TRMT44: variants seen among roughly 807,000 people sequenced by gnomAD.
The protein encoded by TRMT44 is tRNA methyltransferase 44 homolog.
Under a neutral mutation model 77.3 loss-of-function variants are expected in TRMT44, and 78 were observed. The ratio of observed to expected loss-of-function variants is 1.01; its 90% CI spans 0.84 to 1.22. The LOEUF is 1.22. Ranked by LOEUF, TRMT44 falls within the 50% of genes most tolerant of loss-of-function variation. TRMT44 has a pLI of 0.00. For missense variants in TRMT44, 1,090 were observed against 964.4 expected, an observed-to-expected ratio of 1.13 and a Z score of -1.73; for synonymous variants, 391 against 383.3, an observed-to-expected ratio of 1.02 and a Z score of -0.23.
intron 2 of TRMT44, among the ~76,000 whole-genome samples, chr4:8,491,220 A>C (rs1010301688): frequency 6.6e-6 from 1 of 152,128 alleles, no homozygotes. Context: ...CTAGATACAG[A>C]GTGTCGATTG....
In TRMT44 at chr4:8,457,895, G is replaced by A. The variant is rs561085084; in HGVS notation, c.1203+3082G>A. 7.9e-5 allele frequency among the ~76,000 whole-genome samples: 12 copies of A among 152,302 alleles called. No homozygotes were observed. In the East Asian group the frequency reaches 2.1e-3, roughly 27 times the overall value. ...AATCATGAAAGAGACTGTGGATATA[G>A]CAAACAAAGGCAGGAGATGAAGGGT... is the stretch of plus-strand genomic sequence containing the variant. On this transcript the variant is annotated intron_variant, in intron 6 of 10. Transcript: ENST00000389737.
chr4:8,462,883 ATGAG>A (rs747624185), intron 6 of TRMT44, among the ~76,000 whole-genome samples: 3 of 152,240 alleles, frequency 2.0e-5, no homozygotes, highest in Middle Eastern at 3.2e-3. Flanking sequence ...TAAATCTAGA[ATGAG>A]TGGGAATCAA....
chr4:8,476,055 TC>T lies in TRMT44; in HGVS notation c.*58del, dbSNP rs937273446. On this transcript the variant is annotated 3_prime_UTR_variant, in exon 11 of 11. Coordinates refer to ENST00000389737, the MANE Select transcript of TRMT44 (RefSeq NM_152544.3). Reference sequence around the variant, plus strand: ...TGGGGAGGCCAAACCAAGGAGAGCTTCCCCAGCAGTCGTCAGTGCTGTGGTC... The same window carrying T: ...TGGGGAGGCCAAACCAAGGAGAGCTTCCCAGCAGTCGTCAGTGCTGTGGTC... The T allele has an allele frequency of 5.8e-6, 9 of 1,548,230 alleles. No homozygotes were observed. The African/African-American group carries it at 9.5e-5, about 16-fold the overall frequency.
rs754845065 is a variant in TRMT44 at position 8,446,075 on chromosome 4, TG to T, written c.620-399del. 1.3e-5 allele frequency among the ~76,000 whole-genome samples: 2 copies of T among 152,350 alleles called. No individual in the cohort carries two copies. Among genetic ancestry groups the T allele is most frequent in the Admixed American group, 6.5e-5 (1 of 15,302 alleles). On this transcript the variant is annotated intron_variant, in intron 1 of 10. Coordinates refer to ENST00000389737, the MANE Select transcript of TRMT44 (RefSeq NM_152544.3). This position sits in a 1 kb window ranked among gnomAD's most constrained non-coding sequence, Gnocchi z 4.3. ...TGGACTGATATCCGCTTTCCTGAACTGGCCTCTGATGGCTGAGCAGTGTTCT... is the reference window on the plus strand; with the variant it reads ...TGGACTGATATCCGCTTTCCTGAACTGCCTCTGATGGCTGAGCAGTGTTCT...
chr4:8,497,902 C>G (rs1728195758), downstream of TRMT44, among the ~76,000 whole-genome samples: 1 of 152,202 alleles, frequency 6.6e-6, no homozygotes, highest in Non-Finnish European at 1.5e-5. Flanking sequence ...TGTATGGGAG[C>G]TGTGCCACTG....
downstream of TRMT44, among the ~76,000 whole-genome samples, chr4:8,495,519 T>C (rs546327406): frequency 6.6e-6 from 1 of 152,244 alleles, no homozygotes; most frequent in Admixed American, 6.5e-5. Flanking sequence ...ATGAATCCAT[T>C]TCAGTAAAAA....
downstream of TRMT44, among the ~76,000 whole-genome samples, chr4:8,496,094 T>G (rs957469201): frequency 6.6e-6 from 1 of 152,172 alleles, no homozygotes; most frequent in African/African-American, 2.4e-5. Context: ...ATGAGAAACC[T>G]TCATTTGCAT....
chr4:8,450,766 G>A (rs1229310944), intron 3 of TRMT44, among the ~76,000 whole-genome samples: 1 of 149,976 alleles, frequency 6.7e-6, no homozygotes, highest in Non-Finnish European at 1.5e-5. Flanking sequence ...CCCGTCCTAG[G>A]AGTAACCACA....
rs1018004139 is a variant in TRMT44 at position 8,461,635 on chromosome 4, C to G, written c.1204-2350C>G. Among the ~76,000 whole-genome samples, 5 of 152,110 alleles carry G rather than the reference C, an allele frequency of 3.3e-5. No homozygotes were observed. Among genetic ancestry groups the G allele is most frequent in the African/African-American group, 1.2e-4 (5 of 41,400 alleles). ...CCTGGGGAAGACCCTACCCCGAGCA[C>G]TTAGTCAGGAAAGGCCTGCTGTTGA... On this transcript the variant is annotated intron_variant, in intron 6 of 10. Coordinates refer to ENST00000389737, the MANE Select transcript of TRMT44 (RefSeq NM_152544.3). The surrounding 1 kb of genome is among the most constrained non-coding windows in gnomAD (Gnocchi z 4.6).
At chr4:8,500,620 T>G in the TRMT44 span, among the ~76,000 whole-genome samples, 2 of 151,860 alleles carry the variant, frequency 1.3e-5, no homozygotes, top group African/African-American at 4.8e-5. Flanking sequence ...ATGAAGCCAG[T>G]CTTGCCACCT....
At chr4:8,512,092 A>C in the TRMT44 span, 1 of 152,024 alleles carries the variant, frequency 6.6e-6, no homozygotes, top group Non-Finnish European at 1.5e-5. Flanking sequence ...GTGGAGACAG[A>C]GTCTCACTCT....
At position 8,440,778 on chromosome 4, in the gene TRMT44, T is replaced by C. The variant is rs1384183072; in HGVS notation, c.-45T>C. The C allele has an allele frequency of 2.4e-5, 33 of 1,380,064 alleles. No homozygotes were observed. The highest frequency in any genetic ancestry group is 5.3e-4 in the Middle Eastern group (2 of 3,766). 85.5% of individuals were successfully genotyped at this position (1,380,064 alleles called of 1,614,324 possible). A position where few individuals can be genotyped will look rare whatever the true frequency, so the allele number is the denominator to read the frequency against. ...CAACGCGCCGCGCCACCGGGCTGCG[T>C]CATCTCGGCGCGCCGCTGCCAGGGC... On this transcript the variant is annotated 5_prime_UTR_variant, in exon 1 of 11. Transcript: ENST00000389737.
At chr4:8,507,965 G>A in the TRMT44 span, among the ~76,000 whole-genome samples, 7 of 152,106 alleles carry the variant, frequency 4.6e-5, no homozygotes, top group Admixed American at 6.5e-5. Flanking sequence ...GGAGCGTGAC[G>A]GTGCAATCTT....
intron 6 of TRMT44, among the ~76,000 whole-genome samples, chr4:8,458,082 G>A (rs1411072500): frequency 6.6e-6 from 1 of 152,174 alleles, no homozygotes; most frequent in East Asian, 1.9e-4. Flanking sequence ...CAGACAGTGT[G>A]GCAGAAGGGC....
chr4:8,449,949 C>CTTTTCTTTTCTTTTTCTTTTTT, intron 3 of TRMT44, 61 bp downstream of exon 3: 1 of 238,690 alleles, frequency 4.2e-6, no homozygotes, highest in Non-Finnish European at 6.1e-6. Flanking sequence ...CTTTTCTTTT[C>CTTTTCTTTTCTTTTTCTTTTTT]TTTTTTTTTT....
intron 6 of TRMT44, among the ~76,000 whole-genome samples, chr4:8,456,006 C>A (rs2109119986): frequency 1.3e-5 from 2 of 152,282 alleles, no homozygotes; most frequent in East Asian, 3.9e-4. Context: ...TTACCATTTA[C>A]AACCATGAAA....
chr4:8,494,709 T>A (rs1728102715), downstream of TRMT44, among the ~76,000 whole-genome samples: 1 of 152,202 alleles, frequency 6.6e-6, no homozygotes, highest in Non-Finnish European at 1.5e-5. Flanking sequence ...GTTATGGGTG[T>A]GTCCTTAACC....
At chr4:8,455,397 G>C (rs1725740697) in intron 6 of TRMT44, among the ~76,000 whole-genome samples, 3 of 152,252 alleles carry the variant, frequency 2.0e-5, no homozygotes, top group African/African-American at 7.2e-5. Context: ...ACGGAAGCGA[G>C]ATGCCCCCTG....
intron 2 of TRMT44, among the ~76,000 whole-genome samples, chr4:8,481,776 C>G (rs183298750): frequency 2.2e-4 from 33 of 152,390 alleles, no homozygotes; most frequent in South Asian, 8.3e-4. Flanking sequence ...ACCTCCTCGT[C>G]TTGTCCCATC....
Sources: allele counts gnomAD v4.1 joint callset (sites outside exome capture counted in the v4.1 genomes callset), GRCh38; gene constraint gnomAD v4.1.1; non-coding constraint Gnocchi (gnomAD v3.1); transcripts MANE v1.5; gene names NCBI Gene and HGNC (gene_info 2026-07-23, HGNC 2026-07-21).